TRIM3: variants seen among roughly 807,000 people sequenced by gnomAD.
TRIM3 encodes the protein tripartite motif-containing protein 3.
A neutral mutation model predicts 66.6 loss-of-function variants in TRIM3; 13 were observed. That is an observed-to-expected ratio of 0.20 (90% CI 0.13 to 0.31). The LOEUF (loss-of-function observed/expected upper bound fraction) is 0.31. TRIM3 is among the 10% of genes least tolerant of loss of function. The pLI is 1.00. For missense variants in TRIM3, 711 were observed against 1,020.4 expected, an observed-to-expected ratio of 0.70 and a Z score of 4.13; for synonymous variants, 406 against 411.7, an observed-to-expected ratio of 0.99 and a Z score of 0.17.
At chr11:6,464,944 G>A (rs2723627) in intron 2 of TRIM3, among the ~76,000 whole-genome samples, 1,743 of 128,410 alleles carry the variant, frequency 0.014, 42 homozygotes, top group African/African-American at 0.049. Flanking sequence ...CCGAGATCGT[G>A]CCACTACACT....
rs1256589459 is a variant in TRIM3, at chr11:6,450,848, G to C, written c.1870+44C>G. ...GCTGGGGTATCTAGGGGAGTTCTCT[G>C]GAACAGGGGTATCAGCATAGATCTT... On this transcript the variant is annotated intron_variant, in intron 9 of 11. Coordinates refer to ENST00000345851, the MANE Select transcript of TRIM3 (RefSeq NM_033278.4). The surrounding 1 kb of genome is among the most constrained non-coding windows in gnomAD (Gnocchi z 4.8). 4.4e-6 allele frequency: 7 copies of C among 1,607,752 alleles called. No homozygotes were observed. The highest frequency in any genetic ancestry group is 6.0e-6 in the Non-Finnish European group (7 of 1,175,496).
intron 7 of TRIM3, among the ~76,000 whole-genome samples, chr11:6,455,435 A>C (rs1310534398): frequency 1.3e-5 from 2 of 152,070 alleles, no homozygotes; most frequent in African/African-American, 4.8e-5. Context: ...CAAGAAACAG[A>C]GGGAAAAAAA....
chr11:6,459,207 A>C (rs148872360), intron 2 of TRIM3, among the ~76,000 whole-genome samples: 5 of 152,340 alleles, frequency 3.3e-5, no homozygotes, highest in African/African-American at 4.8e-5. Context: ...AGGCAGCAAG[A>C]AGCAGCATAG....
At chr11:6,451,083 A>C (rs1388518803) in intron 8 of TRIM3, 23 bp from the exon 9 acceptor site, 13 of 1,612,956 alleles carry the variant, frequency 8.1e-6, no homozygotes, top group African/African-American at 2.7e-5. Context: ...AATATCCATA[A>C]GAGGCTTTAT....
At chr11:6,453,948 A>G (rs990728517) in intron 7 of TRIM3, among the ~76,000 whole-genome samples, 1 of 152,206 alleles carries the variant, frequency 6.6e-6, no homozygotes, top group Non-Finnish European at 1.5e-5. Flanking sequence ...CAACTTAGAA[A>G]TCTGAGCCAG....
chr11:6,469,615 A>G (rs1589840236), intron 1 of TRIM3, among the ~76,000 whole-genome samples: 1 of 152,188 alleles, frequency 6.6e-6, no homozygotes, highest in Non-Finnish European at 1.5e-5. Context: ...CTTAGTTCTC[A>G]AGGCACCTCA....
At chr11:6,453,795 C>T (rs948471307) in intron 7 of TRIM3, among the ~76,000 whole-genome samples, 2 of 152,198 alleles carry the variant, frequency 1.3e-5, no homozygotes, top group African/African-American at 4.8e-5. Context: ...TCATCCTCCA[C>T]CATAGAAGTG....
At chr11:6,473,686 C>T (rs1157898778) in intron 1 of TRIM3, 105 bp downstream of exon 1, 1 of 152,258 alleles carries the variant, frequency 6.6e-6, no homozygotes, top group African/African-American at 2.4e-5. Context: ...CAGAGAGAGG[C>T]ACAGCTTTTG....
rs959119254 is a variant in TRIM3, at chr11:6,457,396, G to A, written c.596C>T (p.Ala199Val). The A allele has an allele frequency of 1.1e-5, 18 of 1,613,620 alleles. No homozygotes were observed. The highest frequency in any genetic ancestry group is 1.5e-5 in the Non-Finnish European group (18 of 1,179,850). Residue 199 changes from alanine (A) to valine (V), a missense_variant, in exon 5 of 12, where the codon GCC becomes GTC. Around this residue, in one of 3 missense-constraint regions of TRIM3, gnomAD observed 399 missense variants for 458.1 expected, o/e 0.87. Transcript: ENST00000345851. This position sits in a 1 kb window ranked among gnomAD's most constrained non-coding sequence, Gnocchi z 4.5. ...QLQERKAEAL[A>V]QISAAFEDLE... The stretch of plus-strand genomic sequence containing the variant: ...GTCCTCGAACGCTGCACTGATCTGG[G>A]CCAGGGCCTCTGCCTTGCGCTCCTG...
intron 1 of TRIM3, chr11:6,473,363 C>G (rs955889645): frequency 1.3e-4 from 2 of 14,932 alleles, no homozygotes; most frequent in Non-Finnish European, 1.5e-4. Flanking sequence ...ATGGAAGGGG[C>G]GGGGGGTGGG....
Position 6,450,229 on chromosome 11 carries a change from C to T in TRIM3, c.1941+322G>A, listed in dbSNP as rs978193708. The stretch of plus-strand genomic sequence containing the variant: ...CTCATATAGTCTTTCCTGAATCATA[C>T]ACTTCTGTATCCCTTCCCACAGTTC... On this transcript the variant is annotated intron_variant, in intron 10 of 11. Transcript: ENST00000345851. The surrounding 1 kb of genome is among the most constrained non-coding windows in gnomAD (Gnocchi z 4.8). 5 of 314,658 alleles carry T rather than the reference C, an allele frequency of 1.6e-5. No individual in the cohort carries two copies. Among genetic ancestry groups the T allele is most frequent in the Admixed American group, 9.1e-5 (2 of 22,078 alleles). 19.5% of individuals were successfully genotyped at this position (314,658 alleles called of 1,614,324 possible). A position where few individuals can be genotyped will look rare whatever the true frequency, so the allele number is the denominator to read the frequency against.
Position 6,449,538 on chromosome 11 carries a change from A to G in TRIM3, c.1942-92T>C. On this transcript the variant is annotated intron_variant, in intron 10 of 11. Transcript: ENST00000345851. The surrounding 1 kb of genome is among the most constrained non-coding windows in gnomAD (Gnocchi z 5.3). ...ATAGGGTGAAGCCCCAGGGCTGAGA[A>G]CCCCCACCCAGATCTACAGCTACAG... 4.7e-6 allele frequency: 6 copies of G among 1,263,268 alleles called. No individual in the cohort carries two copies. The highest frequency in any genetic ancestry group is 6.4e-6 in the Non-Finnish European group (6 of 930,688). The allele number at this position is 1,263,268 out of a possible 1,614,324, so 78.3% of individuals were successfully genotyped here.
intron 7 of TRIM3, among the ~76,000 whole-genome samples, chr11:6,454,936 T>C (rs1305992669): frequency 1.3e-5 from 2 of 152,138 alleles, no homozygotes; most frequent in Non-Finnish European, 2.9e-5. Context: ...CAGTAAAATG[T>C]TTCGAAGAAG....
chr11:6,463,215 A>G (rs1027406503), intron 2 of TRIM3, among the ~76,000 whole-genome samples: 1 of 152,228 alleles, frequency 6.6e-6, no homozygotes, highest in East Asian at 1.9e-4. Flanking sequence ...AAAAAAACAA[A>G]AACAAAAACA....
At position 6,451,261 on chromosome 11, in the gene TRIM3, G is replaced by C. The variant is rs746815680; in HGVS notation, c.1701+10C>G. ...CACCAGGGTAAGTAAAGTGACAGCAGGCCTCTCACCTTGAACTTGCCCTCA... is the reference window on the plus strand; with the variant it reads ...CACCAGGGTAAGTAAAGTGACAGCACGCCTCTCACCTTGAACTTGCCCTCA... On this transcript the variant is annotated intron_variant, in intron 8 of 11. Transcript: ENST00000345851. The C allele has an allele frequency of 1.2e-6, 2 of 1,614,006 alleles. No homozygotes were observed. Among genetic ancestry groups the C allele is most frequent in the East Asian group, 2.2e-5 (1 of 44,852 alleles).
At chr11:6,469,318 C>T (rs1042676974) in intron 1 of TRIM3, among the ~76,000 whole-genome samples, 1 of 152,146 alleles carries the variant, frequency 6.6e-6, no homozygotes, top group African/African-American at 2.4e-5. Context: ...TCCTCCCCCA[C>T]TCCTCCCCTT....
intron 7 of TRIM3, among the ~76,000 whole-genome samples, chr11:6,454,558 G>A (rs1208804416): frequency 2.6e-5 from 4 of 152,102 alleles, no homozygotes; most frequent in African/African-American, 9.7e-5. Context: ...CTAGGGAGTT[G>A]GAAAGGAGCT....
At chr11:6,455,031 C>T (rs1055947593) in intron 7 of TRIM3, among the ~76,000 whole-genome samples, 8 of 152,292 alleles carry the variant, frequency 5.3e-5, no homozygotes, top group Admixed American at 1.3e-4. Context: ...TACAATCTGA[C>T]CTCAGCTACC....
intron 7 of TRIM3, chr11:6,452,954 C>T (rs1159914418): frequency 4.6e-5 from 7 of 152,124 alleles, no homozygotes; most frequent in Admixed American, 3.9e-4. Flanking sequence ...CCACCCTCCG[C>T]CCTACCAAAT....
Sources: allele counts gnomAD v4.1 joint callset (sites outside exome capture counted in the v4.1 genomes callset), GRCh38; gene constraint gnomAD v4.1.1; regional missense constraint gnomAD v4.1.1; non-coding constraint Gnocchi (gnomAD v3.1); transcripts MANE v1.5; gene names NCBI Gene and HGNC (gene_info 2026-07-23, HGNC 2026-07-21).